Variants in GUCY1A2 observed in about 807,000 individuals in gnomAD.
GUCY1A2 encodes guanylate cyclase soluble subunit alpha-2.
GUCY1A2 carries 27 observed loss-of-function variants against 63.5 expected under a neutral mutation model. That is an observed-to-expected ratio of 0.43 (90% confidence interval 0.31 to 0.59). The LOEUF (loss-of-function observed/expected upper bound fraction) is 0.59, where lower values mean the gene tolerates loss of function less well. Ranked by LOEUF, GUCY1A2 falls within the 20% of genes least tolerant of loss-of-function variation. GUCY1A2 has a pLI of 0.11. For synonymous variants in GUCY1A2, 364 were observed against 343.5 expected (o/e 1.06, Z -0.66); for missense variants, 768 against 913.3 (o/e 0.84, Z 2.05).
intron 3 of GUCY1A2, among the ~76,000 whole-genome samples, chr11:106,971,712 T>C (rs1861196852): frequency 6.6e-6 from 1 of 152,166 alleles, no homozygotes; most frequent in African/African-American, 2.4e-5. Flanking sequence ...TGAGTTAGTC[T>C]ACACACATAT....
At chr11:106,820,826 TC>T (rs1858891997) in intron 4 of GUCY1A2, among the ~76,000 whole-genome samples, 1 of 152,192 alleles carries the variant, frequency 6.6e-6, no homozygotes, top group Non-Finnish European at 1.5e-5. Flanking sequence ...TACTGTTTAT[TC>T]AATAGATTGA....
At chr11:106,797,360 TAGAC>T (rs1178009688) in intron 5 of GUCY1A2, among the ~76,000 whole-genome samples, 1 of 151,980 alleles carries the variant, frequency 6.6e-6, no homozygotes, top group Non-Finnish European at 1.5e-5. Flanking sequence ...TGATCAACAT[TAGAC>T]AGATCAACGA....
intron 6 of GUCY1A2, among the ~76,000 whole-genome samples, chr11:106,726,662 A>G (rs2135368104): frequency 6.6e-6 from 1 of 152,284 alleles, no homozygotes. Context: ...CACATGTAGG[A>G]GAAAAATTGA....
chr11:106,814,128 A>G, intron 4 of GUCY1A2, among the ~76,000 whole-genome samples: 1 of 152,098 alleles, frequency 6.6e-6, no homozygotes, highest in East Asian at 1.9e-4. Context: ...AACCTTAAAG[A>G]GATGTTCACA....
chr11:106,965,562 T>C (rs1174397945), intron 3 of GUCY1A2, among the ~76,000 whole-genome samples: 1 of 152,212 alleles, frequency 6.6e-6, no homozygotes, highest in Non-Finnish European at 1.5e-5. Context: ...GGCTCTCTTC[T>C]AGTGGTCACA....
chr11:106,814,164 G>A (rs1858800682), intron 4 of GUCY1A2, among the ~76,000 whole-genome samples: 2 of 152,048 alleles, frequency 1.3e-5, no homozygotes, highest in Non-Finnish European at 2.9e-5. Flanking sequence ...GAGAGAAGTT[G>A]TTGCTACAGA....
intron 4 of GUCY1A2, among the ~76,000 whole-genome samples, chr11:106,902,967 C>T (rs1191130485): frequency 3.9e-5 from 6 of 152,086 alleles, no homozygotes; most frequent in South Asian, 2.1e-4. Context: ...TACCAAGGGA[C>T]GACAGTACAT....
At chr11:106,982,751 G>C (rs1055610892) in intron 2 of GUCY1A2, among the ~76,000 whole-genome samples, 1 of 152,156 alleles carries the variant, frequency 6.6e-6, no homozygotes, top group South Asian at 2.1e-4. Flanking sequence ...TGAAGCTAAG[G>C]TTGGTAAGTT....
intron 2 of GUCY1A2, among the ~76,000 whole-genome samples, chr11:106,979,820 C>T (rs545300508): frequency 2.6e-5 from 4 of 152,122 alleles, no homozygotes; most frequent in Non-Finnish European, 5.9e-5. Context: ...AGCCACTGCC[C>T]CTGTCACTCT....
At chr11:106,983,118 T>A (rs1861359044) in intron 2 of GUCY1A2, among the ~76,000 whole-genome samples, 1 of 152,172 alleles carries the variant, frequency 6.6e-6, no homozygotes, top group Non-Finnish European at 1.5e-5. Context: ...ATGATGTAAT[T>A]TTTTAATTGC....
intron 4 of GUCY1A2, among the ~76,000 whole-genome samples, chr11:106,860,744 T>C (rs1859500231): frequency 6.6e-6 from 1 of 152,044 alleles, no homozygotes; most frequent in African/African-American, 2.4e-5. Flanking sequence ...TGCAACTCCA[T>C]ATAAAGGAGG....
chr11:106,769,965 A>G (rs983194787), intron 6 of GUCY1A2, among the ~76,000 whole-genome samples: 2 of 152,088 alleles, frequency 1.3e-5, no homozygotes, highest in African/African-American at 4.8e-5. Context: ...AATACAGTCG[A>G]CCCTGTGTAT....
chr11:106,676,380 C>CTT lies in GUCY1A2; in HGVS notation c.*11167_*11168dup. The CTT allele has an allele frequency of 6.4e-5, 11 of 171,190 alleles. No homozygotes were observed. The highest frequency in any genetic ancestry group is 2.2e-3 in the Middle Eastern group (1 of 446). 10.6% of individuals were successfully genotyped at this position (171,190 alleles called of 1,614,324 possible). A position where few individuals can be genotyped will look rare whatever the true frequency, so the allele number is the denominator to read the frequency against. ...GTTTGATCTCTTGATCCAAGCTGTA[C>CTT]TTTTTTTTTTTTTGTATTTAATAAA... On this transcript the variant is annotated 3_prime_UTR_variant, in exon 8 of 8. Coordinates refer to ENST00000526355, the MANE Select transcript of GUCY1A2 (RefSeq NM_000855.3).
Position 106,681,683 on chromosome 11 carries a change from T to A in GUCY1A2, c.*5866A>T, listed in dbSNP as rs556758718. 3.6e-5 allele frequency: 8 copies of A among 221,428 alleles called. No homozygotes were observed. In the East Asian group the frequency reaches 5.3e-4, roughly 15 times the overall value. 13.7% of individuals were successfully genotyped at this position (221,428 alleles called of 1,614,324 possible). A position where few individuals can be genotyped will look rare whatever the true frequency, so the allele number is the denominator to read the frequency against. On this transcript the variant is annotated 3_prime_UTR_variant, in exon 8 of 8. Transcript: ENST00000526355. ...TCATTTTGCTACAGAATAATGAGTA[T>A]CTTTAAAAAGTCCACACCAGCTATA...
chr11:106,770,358 C>T (rs935683395), intron 6 of GUCY1A2, among the ~76,000 whole-genome samples: 1 of 152,112 alleles, frequency 6.6e-6, no homozygotes, highest in Non-Finnish European at 1.5e-5. Flanking sequence ...ACTGAAGCAA[C>T]TATCATTGGC....
chr11:107,014,674 T>C (rs1336453343), intron 1 of GUCY1A2, among the ~76,000 whole-genome samples: 1 of 152,078 alleles, frequency 6.6e-6, no homozygotes, highest in Non-Finnish European at 1.5e-5. Context: ...AAATAACTAG[T>C]TTAATAAATA....
At chr11:106,936,095 A>C (rs879341228) in intron 4 of GUCY1A2, among the ~76,000 whole-genome samples, 2 of 152,168 alleles carry the variant, frequency 1.3e-5, no homozygotes, top group African/African-American at 4.8e-5. Context: ...CCTGGCAGAG[A>C]AGGAAGCTAT....
chr11:106,859,779 C>T (rs1032263862), intron 4 of GUCY1A2, among the ~76,000 whole-genome samples: 4 of 151,900 alleles, frequency 2.6e-5, no homozygotes, highest in Admixed American at 2.0e-4. Context: ...CAAATATCAT[C>T]ATGTTACAAT....
chr11:106,804,815 T>C (rs1257480686), intron 5 of GUCY1A2, among the ~76,000 whole-genome samples: 2 of 152,160 alleles, frequency 1.3e-5, no homozygotes, highest in African/African-American at 4.8e-5. Flanking sequence ...GGGAAAAGAC[T>C]CTGCTTCTTT....
Sources: allele counts gnomAD v4.1 joint callset (sites outside exome capture counted in the v4.1 genomes callset), GRCh38; gene constraint gnomAD v4.1.1; transcripts MANE v1.5; gene names NCBI Gene and HGNC (gene_info 2026-07-23, HGNC 2026-07-21).